Variants in RNF6 observed in about 807,000 individuals in gnomAD.
The protein encoded by RNF6 is ring finger protein 6.
Under a neutral mutation model 50.1 loss-of-function variants are expected in RNF6, and 21 were observed. That is an observed-to-expected ratio of 0.42 (90% CI 0.30 to 0.60). The LOEUF (loss-of-function observed/expected upper bound fraction) is 0.60. Ranked by LOEUF, RNF6 falls within the 20% of genes least tolerant of loss-of-function variation. The pLI is 0.20. For missense variants in RNF6, 698 were observed against 838.2 expected (o/e 0.83, Z 2.07); for synonymous variants, 255 against 291.8 (o/e 0.87, Z 1.29).
At chr13:26,153,155 G>GGA (rs1555315199) in intron 5 of RNF6, among the ~76,000 whole-genome samples, 2 of 67,730 alleles carry the variant, frequency 3.0e-5, no homozygotes, top group African/African-American at 8.4e-5. Flanking sequence ...TCTGTCTCAA[G>GGA]AAAAGAAAAA....
rs866086062 is a variant in RNF6 at position 26,149,980 on chromosome 13, A to C, written n.769-17529T>G. On this transcript the variant is annotated intron_variant and non_coding_transcript_variant, in intron 5 of 5. Coordinates refer to the RNF6 transcript ENST00000468480. ...TATATATATACACAGTGTATATATA[A>C]TGTGTATATATATATACACAGTGTA... Among the ~76,000 whole-genome samples, 57 of 122,616 alleles carry C rather than the reference A, an allele frequency of 4.6e-4. 2 individuals carry two copies. The highest frequency in any genetic ancestry group is 1.9e-3 in the African/African-American group (56 of 29,376). 80.4% of individuals were successfully genotyped at this position (122,616 alleles called of 152,430 possible). A position where few individuals can be genotyped will look rare whatever the true frequency, so the allele number is the denominator to read the frequency against.
chr13:26,163,172 C>T (rs1309042995), intron 5 of RNF6, among the ~76,000 whole-genome samples: 4 of 152,104 alleles, frequency 2.6e-5, no homozygotes, highest in Non-Finnish European at 4.4e-5. Context: ...ATTAGCCGGG[C>T]GCGGTGGCGG....
In RNF6 at chr13:26,215,073, C is replaced by A. The variant is rs1178929636; in HGVS notation, c.809G>T (p.Arg270Met). The A allele has an allele frequency of 1.9e-6, 3 of 1,614,260 alleles. No homozygotes were observed. The highest frequency in any genetic ancestry group is 2.7e-5 in the African/African-American group (2 of 75,068). ...NQSGGSELRQ[R>M]EGQRFGAAHV... is the part of the protein sequence containing the mutation. ...TGCTGCTCCAAACCGTTGCCCCTCC[C>A]TTTGCCTGAGTTCACTACCACCTGA... The change falls in exon 5 of 5, where the codon AGG becomes ATG. Residue 270 changes from arginine to methionine, a missense_variant. Physicochemically the swap from Arg to Met is moderately conservative, Grantham distance 91. Transcript: ENST00000381588.
chr13:26,157,282 A>T (rs992804608), intron 5 of RNF6, among the ~76,000 whole-genome samples: 18 of 152,156 alleles, frequency 1.2e-4, no homozygotes, highest in African/African-American at 4.1e-4. Flanking sequence ...AAAAATTTTA[A>T]AAAATGAAAC....
intron 5 of RNF6, among the ~76,000 whole-genome samples, chr13:26,188,840 G>C (rs1235337234): frequency 6.6e-6 from 1 of 151,644 alleles, no homozygotes; most frequent in Non-Finnish European, 1.5e-5. Context: ...ATGTTGGCCA[G>C]GATGGTCTCA....
At chr13:26,135,860 T>C (rs1014787101) in intron 5 of RNF6, among the ~76,000 whole-genome samples, 1 of 152,080 alleles carries the variant, frequency 6.6e-6, no homozygotes, top group Non-Finnish European at 1.5e-5. Flanking sequence ...TCTGGTTGTT[T>C]AAAGGAGACT....
In RNF6 at chr13:26,215,216, T is replaced by G; in HGVS notation, c.666A>C (p.Gln222His). The stretch of plus-strand genomic sequence containing the variant: ...TTGAGAAAGATCCTTCAGCTGGATT[T>G]TGCCCCCTTGAAGCAAGCCTAGTCC... ...IPRTRLASRG[Q>H]NPAEGSFSTL... Residue 222 changes from glutamine to histidine, a missense_variant, in exon 5 of 5, where the codon CAA (glutamine) becomes CAC (histidine). By Grantham distance (24) the Gln-to-His change is conservative. Coordinates refer to ENST00000381588, the MANE Select transcript of RNF6 (RefSeq NM_005977.4). 6.2e-7 allele frequency: 1 copy of G among 1,614,234 alleles called. No individual in the cohort carries two copies. The highest frequency in any genetic ancestry group is 8.5e-7 in the Non-Finnish European group (1 of 1,180,036).
At chr13:26,208,784 T>C (rs1292277510), downstream of RNF6, among the ~76,000 whole-genome samples, 1 of 152,182 alleles carries the variant, frequency 6.6e-6, no homozygotes, top group Non-Finnish European at 1.5e-5. Flanking sequence ...TGCTCGATCC[T>C]ACAGACAAAA....
chr13:26,162,125 C>T lies in RNF6; in HGVS notation n.769-29674G>A, dbSNP rs1305409306. 5.9e-5 allele frequency among the ~76,000 whole-genome samples: 9 copies of T among 152,146 alleles called. No individual in the cohort carries two copies. In the East Asian group the frequency reaches 1.7e-3, roughly 29 times the overall value. ...GCCAATTCTTAGAGACGGCAAAGGA[C>T]TCAGCCAGAGCATGCCTTTGATATA... On this transcript the variant is annotated intron_variant and non_coding_transcript_variant, in intron 5 of 5. Coordinates refer to the RNF6 transcript ENST00000468480.
intron 5 of RNF6, among the ~76,000 whole-genome samples, chr13:26,175,586 G>C (rs1420800826): frequency 6.6e-6 from 1 of 152,150 alleles, no homozygotes; most frequent in Non-Finnish European, 1.5e-5. Flanking sequence ...TACCATCGCA[G>C]TTCCCCAAAC....
intron 5 of RNF6, among the ~76,000 whole-genome samples, chr13:26,144,381 A>ATT (rs34266191): frequency 0.39 from 58,538 of 150,146 alleles, 11,620 homozygotes; most frequent in East Asian, 0.65. Flanking sequence ...AAATATCTTC[A>ATT]TTTTTTTTTT....
chr13:26,174,304 G>A (rs1483563475), intron 5 of RNF6, among the ~76,000 whole-genome samples: 1 of 152,206 alleles, frequency 6.6e-6, no homozygotes, highest in Non-Finnish European at 1.5e-5. Context: ...AGAATATGCT[G>A]GAGTTCGGTT....
At position 26,213,964 on chromosome 13, in the gene RNF6, CAT is replaced by C. The variant is rs1406010561; in HGVS notation, c.1916_1917del (p.Tyr639CysfsTer14). 1.2e-6 allele frequency: 2 copies of C among 1,614,074 alleles called. No homozygotes were observed. Among genetic ancestry groups the C allele is most frequent in the African/African-American group, 2.7e-5 (2 of 74,928 alleles). On this transcript the variant is annotated frameshift_variant, in exon 5 of 5. Transcript: ENST00000381588. LOFTEE classifies it high-confidence loss of function. ...GKICSVCISDYVTGNKLRQLP... is the reference protein window; with the variant it reads ...GKICSVCISDXVTGNKLRQLP... ...AATTGCCTGAGCTTGTTTCCAGTTACATAGTCACTAATACAAACACTACAGAT... is the reference window on the plus strand; with the variant it reads ...AATTGCCTGAGCTTGTTTCCAGTTACAGTCACTAATACAAACACTACAGAT...
At chr13:26,180,966 T>C (rs572291749) in intron 5 of RNF6, among the ~76,000 whole-genome samples, 2 of 152,250 alleles carry the variant, frequency 1.3e-5, no homozygotes, top group Non-Finnish European at 2.9e-5. Context: ...TGTTCTTGTC[T>C]ATCACTTGGG....
chr13:26,133,619 A>G (rs1870501844), intron 5 of RNF6, among the ~76,000 whole-genome samples: 1 of 152,108 alleles, frequency 6.6e-6, no homozygotes, highest in Non-Finnish European at 1.5e-5. Flanking sequence ...GCCTATCCCT[A>G]GAGGTTTTTA....
In RNF6 at chr13:26,190,630, C is replaced by T. The variant is rs568113857; in HGVS notation, n.768+24844G>A. Among the ~76,000 whole-genome samples the T allele has an allele frequency of 1.1e-4, 16 of 152,278 alleles. No individual in the cohort carries two copies. In the South Asian group the frequency reaches 3.3e-3, roughly 32 times the overall value. On this transcript the variant is annotated intron_variant and non_coding_transcript_variant, in intron 5 of 5. Coordinates refer to the RNF6 transcript ENST00000468480. ...ACCTTAAGCACAGGAGAAAACCTCA[C>T]CTTGTATCCCCATAACACACCCAAC...
chr13:26,192,618 T>C (rs1868507517), intron 5 of RNF6, among the ~76,000 whole-genome samples: 2 of 152,224 alleles, frequency 1.3e-5, no homozygotes, highest in Admixed American at 1.3e-4. Context: ...ATTGCCTTCT[T>C]AGTTTGCATG....
At chr13:26,159,009 T>C (rs1485108914) in intron 5 of RNF6, among the ~76,000 whole-genome samples, 1 of 152,214 alleles carries the variant, frequency 6.6e-6, no homozygotes, top group African/African-American at 2.4e-5. Flanking sequence ...AGCTTTCAGA[T>C]ATTAGTATTC....
rs1872155169 is a variant in RNF6 at position 26,160,538 on chromosome 13, CTTCTTCTTTTTTTTT to C, written n.769-28102_769-28088del. Among the ~76,000 whole-genome samples, 16 of 52,762 alleles carry C rather than the reference CTTCTTCTTTTTTTTT, an allele frequency of 3.0e-4. No individual in the cohort carries two copies. In the Admixed American group the frequency reaches 3.0e-3, roughly 10 times the overall value. The allele number at this position is 52,762 out of a possible 152,430, so 34.6% of individuals were successfully genotyped here. ...TGCATCCAGCCTATCTTCTTCTCTT[CTTCTTCTTTTTTTTT>C]TTTTTTTTTTTGGACATTTGTCAAC... On this transcript the variant is annotated intron_variant and non_coding_transcript_variant, in intron 5 of 5. Transcript: ENST00000468480.
Sources: allele counts gnomAD v4.1 joint callset (sites outside exome capture counted in the v4.1 genomes callset), GRCh38; gene constraint gnomAD v4.1.1; transcripts MANE v1.5; gene names NCBI Gene and HGNC (gene_info 2026-07-23, HGNC 2026-07-21).